Variants in GNG7 observed in about 807,000 individuals in gnomAD.
GNG7 encodes the protein guanine nucleotide-binding protein G(I)/G(S)/G(O) subunit gamma-7.
GNG7 carries 1 observed loss-of-function variant against 4.0 expected under a neutral mutation model. That is an observed-to-expected ratio of 0.25 (90% CI 0.09 to 1.18). The LOEUF (loss-of-function observed/expected upper bound fraction) is 1.18. Ranked by LOEUF, GNG7 falls within the 50% of genes most tolerant of loss-of-function variation. The pLI, the probability that GNG7 is intolerant of heterozygous loss-of-function variation, is 0.50. For missense variants in GNG7, 86 were observed against 91.9 expected, an observed-to-expected ratio of 0.94 and a Z score of 0.26; for synonymous variants, 34 against 36.9, an observed-to-expected ratio of 0.92 and a Z score of 0.29.
intron 1 of GNG7, among the ~76,000 whole-genome samples, chr19:2,672,996 C>T (rs1421757398): frequency 6.6e-6 from 1 of 152,046 alleles, no homozygotes; most frequent in Non-Finnish European, 1.5e-5. Flanking sequence ...GTGGTTCATG[C>T]CTGTAATCCC....
intron 2 of GNG7, among the ~76,000 whole-genome samples, chr19:2,588,608 C>T (rs1980748283): frequency 1.3e-5 from 2 of 152,310 alleles, no homozygotes; most frequent in South Asian, 4.1e-4. Flanking sequence ...CTTAGCCATC[C>T]TCCTCTGACC....
intron 2 of GNG7, among the ~76,000 whole-genome samples, chr19:2,635,432 G>A (rs1056505671): frequency 2.6e-5 from 4 of 152,204 alleles, no homozygotes; most frequent in African/African-American, 7.2e-5. Context: ...TGGAGCAGAC[G>A]GTGTAAGACA....
chr19:2,539,895 T>TCCTTCCTCCTTCCCTCCCTC (rs752962524), intron 3 of GNG7, among the ~76,000 whole-genome samples: 3 of 132,276 alleles, frequency 2.3e-5, no homozygotes, highest in Non-Finnish European at 4.8e-5. Flanking sequence ...CTTCCTTCCT[T>TCCTTCCTCCTTCCCTCCCTC]CCTCCTTCCC....
chr19:2,662,508 T>A (rs555038192), intron 1 of GNG7, among the ~76,000 whole-genome samples: 42 of 152,174 alleles, frequency 2.8e-4, no homozygotes, highest in Non-Finnish European at 2.9e-4. Flanking sequence ...AGCTTGAAGT[T>A]AGGGTTGGGT....
chr19:2,638,398 TGGGA>T (rs1982374438), intron 2 of GNG7, among the ~76,000 whole-genome samples: 1 of 89,260 alleles, frequency 1.1e-5, no homozygotes, highest in East Asian at 3.4e-4. Context: ...GAGAAGGGGA[TGGGA>T]AGGGAAAGGG....
chr19:2,669,133 T>C (rs989801888), intron 1 of GNG7, among the ~76,000 whole-genome samples: 1 of 152,164 alleles, frequency 6.6e-6, no homozygotes, highest in South Asian at 2.1e-4. Context: ...GTGTGTTGAC[T>C]GCCACTTTAG....
intron 3 of GNG7, among the ~76,000 whole-genome samples, chr19:2,553,898 A>G (rs1316425008): frequency 6.9e-6 from 1 of 144,452 alleles, no homozygotes; most frequent in Non-Finnish European, 1.5e-5. Context: ...TCTATGTAAT[A>G]TTACATACAT....
chr19:2,543,380 C>G (rs1436914375), intron 3 of GNG7, among the ~76,000 whole-genome samples: 1 of 151,976 alleles, frequency 6.6e-6, no homozygotes, highest in East Asian at 1.9e-4. Flanking sequence ...ACCACCATGC[C>G]CGGCTAATTT....
intron 2 of GNG7, among the ~76,000 whole-genome samples, chr19:2,598,102 C>T (rs1351474420): frequency 2.0e-5 from 3 of 152,048 alleles, no homozygotes; most frequent in African/African-American, 7.2e-5. Flanking sequence ...TCAGGCTCTC[C>T]ACTCGGCTCT....
chr19:2,628,112 G>T (rs111586271), intron 2 of GNG7, among the ~76,000 whole-genome samples: 1 of 152,150 alleles, frequency 6.6e-6, no homozygotes, highest in Non-Finnish European at 1.5e-5. Context: ...CAAACAACAC[G>T]GCAAGTGTAT....
rs1377386729 is a variant in GNG7, at chr19:2,511,694, G to T, written c.*3328C>A. The T allele has an allele frequency of 3.3e-6, 2 of 603,842 alleles. No homozygotes were observed. The highest frequency in any genetic ancestry group is 4.2e-6 in the Non-Finnish European group (2 of 481,048). 37.4% of individuals were successfully genotyped at this position (603,842 alleles called of 1,614,324 possible). A position where few individuals can be genotyped will look rare whatever the true frequency, so the allele number is the denominator to read the frequency against. On this transcript the variant is annotated 3_prime_UTR_variant, in exon 5 of 5. Transcript: ENST00000382159. This position sits in a 1 kb window ranked among gnomAD's most constrained non-coding sequence, Gnocchi z 6.3. ...TGGATGCGTGGCCTGGAGGCCTAGCGTTGCGCCTCGGACACGGTGGCCGGC... is the reference window on the plus strand; with the variant it reads ...TGGATGCGTGGCCTGGAGGCCTAGCTTTGCGCCTCGGACACGGTGGCCGGC...
At chr19:2,544,815 G>A (rs1306452099) in intron 3 of GNG7, among the ~76,000 whole-genome samples, 1 of 152,044 alleles carries the variant, frequency 6.6e-6, no homozygotes, top group African/African-American at 2.4e-5. Context: ...GGAGGCCAGG[G>A]GCGCTGCTCA....
At chr19:2,553,839 TA>T (rs1979450863) in intron 3 of GNG7, among the ~76,000 whole-genome samples, 1 of 147,176 alleles carries the variant, frequency 6.8e-6, no homozygotes, top group African/African-American at 2.5e-5. Context: ...TTATATGTAA[TA>T]TTGCATACAT....
chr19:2,671,446 T>C (rs1430680270), intron 1 of GNG7, among the ~76,000 whole-genome samples: 1 of 152,112 alleles, frequency 6.6e-6, no homozygotes, highest in African/African-American at 2.4e-5. Context: ...GGTGACGTTG[T>C]CCGGCCTGCC....
chr19:2,542,144 T>G (rs1454397496), intron 3 of GNG7, among the ~76,000 whole-genome samples: 2 of 138,806 alleles, frequency 1.4e-5, no homozygotes, highest in Non-Finnish European at 3.1e-5. Flanking sequence ...AGATGGAGTC[T>G]TGCTCTGTCA....
intron 2 of GNG7, among the ~76,000 whole-genome samples, chr19:2,587,891 GAAAGA>G (rs1187294970): frequency 2.8e-5 from 4 of 141,136 alleles, no homozygotes; most frequent in Admixed American, 7.1e-5. Flanking sequence ...AGGAAGGAAG[GAAAGA>G]AAAGAAAAGA....
intron 2 of GNG7, among the ~76,000 whole-genome samples, chr19:2,625,059 T>C (rs907336324): frequency 1.3e-5 from 2 of 152,186 alleles, no homozygotes; most frequent in African/African-American, 4.8e-5. Context: ...TGTTGTCCCC[T>C]GGGGCCTCTA....
intron 1 of GNG7, among the ~76,000 whole-genome samples, chr19:2,668,991 T>A (rs1983382282): frequency 6.6e-6 from 1 of 152,112 alleles, no homozygotes; most frequent in South Asian, 2.1e-4. Context: ...AATATCCAGC[T>A]TAATCCACCT....
chr19:2,680,385 GGT>G (rs1983701493), intron 1 of GNG7, among the ~76,000 whole-genome samples: 1 of 151,660 alleles, frequency 6.6e-6, no homozygotes, highest in South Asian at 2.1e-4. Context: ...CCTGACCTCA[GGT>G]GATCCACCCG....
Sources: allele counts gnomAD v4.1 joint callset (sites outside exome capture counted in the v4.1 genomes callset), GRCh38; gene constraint gnomAD v4.1.1; non-coding constraint Gnocchi (gnomAD v3.1); transcripts MANE v1.5; gene names NCBI Gene and HGNC (gene_info 2026-07-23, HGNC 2026-07-21).